The following NPAT variants were observed in gnomAD, a reference collection of about 807,000 sequenced individuals.
The protein encoded by NPAT is protein NPAT.
In NPAT, 52 loss-of-function variants were observed where a neutral mutation model predicts 130.7. The ratio of observed to expected loss-of-function variants is 0.40; its 90% CI spans 0.32 to 0.50. NPAT has a LOEUF of 0.50. Among genes scored for constraint, NPAT ranks in the 20% least tolerant of loss-of-function variants. The pLI, the probability that NPAT is intolerant of heterozygous loss-of-function variation, is 0.68. For synonymous variants in NPAT, 580 were observed against 584.8 expected (o/e 0.99, Z 0.12); for missense variants, 1,687 against 1,662.6 (o/e 1.01, Z -0.26).
intron 4 of NPAT, among the ~76,000 whole-genome samples, chr11:108,191,486 A>G (rs1591403872): frequency 1.3e-5 from 2 of 152,322 alleles, no homozygotes; most frequent in African/African-American, 2.4e-5. Context: ...AGAGAAATAT[A>G]AAGATAAGAC....
rs553294605 is a variant in NPAT at position 108,195,171 on chromosome 11, C to T, written c.157-1154G>A. ...AGCAAACACCAGTGTCTAGGTTTTTCTGTGAGAACAAGTTTTCCAATTGAT... is the reference window on the plus strand; with the variant it reads ...AGCAAACACCAGTGTCTAGGTTTTTTTGTGAGAACAAGTTTTCCAATTGAT... On this transcript the variant is annotated intron_variant, in intron 2 of 17. Transcript: ENST00000278612. Among the ~76,000 whole-genome samples the T allele has an allele frequency of 8.5e-5, 13 of 152,260 alleles. No homozygotes were observed. The East Asian group carries it at 2.3e-3, about 27-fold the overall frequency.
chr11:108,204,397 G>A (rs912486769), intron 1 of NPAT, among the ~76,000 whole-genome samples: 1 of 151,988 alleles, frequency 6.6e-6, no homozygotes, highest in African/African-American at 2.4e-5. Flanking sequence ...ACCTACCTTT[G>A]GGACCCCTAT....
intron 10 of NPAT, among the ~76,000 whole-genome samples, chr11:108,180,478 T>C (rs2078049202): frequency 6.6e-6 from 1 of 152,230 alleles, no homozygotes; most frequent in Non-Finnish European, 1.5e-5. Flanking sequence ...CATTAGAGAA[T>C]TGCAAATCAA....
In NPAT at chr11:108,179,088, G is replaced by C. The variant is rs575474994; in HGVS notation, c.907-1998C>G. On this transcript the variant is annotated intron_variant, in intron 10 of 17. Transcript: ENST00000278612. ...TAAACTCAGGAAAATGTAGTCGAAT[G>C]GTCTTCAACAAGAGGACCAAGATCA... 3.4e-4 allele frequency among the ~76,000 whole-genome samples: 52 copies of C among 152,224 alleles called. No individual in the cohort carries two copies. The East Asian group carries it at 9.5e-3, about 28-fold the overall frequency.
chr11:108,216,978 T>A (rs1266854363), intron 1 of NPAT, among the ~76,000 whole-genome samples: 1 of 152,228 alleles, frequency 6.6e-6, no homozygotes, highest in Non-Finnish European at 1.5e-5. Context: ...AATACCATCA[T>A]TTTGTTCAAT....
intron 5 of NPAT, 26 bp from the exon 6 acceptor site, chr11:108,189,356 C>A (rs1192849003): frequency 6.2e-7 from 1 of 1,605,530 alleles, no homozygotes; most frequent in Non-Finnish European, 8.5e-7. Flanking sequence ...ATTTAAAAAA[C>A]AAATTCAACG....
Position 108,189,007 on chromosome 11 carries a change from G to C in NPAT, c.556+99C>G, listed in dbSNP as rs1478569736. The stretch of plus-strand genomic sequence containing the variant: ...GTCTCTCTCATCTTTTATGGGGGGG[G>C]CCATAATTTTACACTATGAGTATAA... On this transcript the variant is annotated intron_variant, in intron 6 of 17. Coordinates refer to ENST00000278612, the MANE Select transcript of NPAT (RefSeq NM_002519.3). The C allele has an allele frequency of 3.3e-6, 3 of 906,806 alleles. No homozygotes were observed. In the East Asian group the frequency reaches 7.9e-5, roughly 24 times the overall value. The allele number at this position is 906,806 out of a possible 1,614,324, so 56.2% of individuals were successfully genotyped here.
chr11:108,163,104 G>C (rs1460060162), intron 15 of NPAT, among the ~76,000 whole-genome samples: 2 of 137,410 alleles, frequency 1.5e-5, no homozygotes, highest in Non-Finnish European at 3.2e-5. Flanking sequence ...TTTTGAGACG[G>C]AGTCTCGCTC....
At chr11:108,208,331 GT>G (rs1224530145) in intron 1 of NPAT, 2 of 352,602 alleles carry the variant, frequency 5.7e-6, no homozygotes, top group Non-Finnish European at 1.1e-5. Flanking sequence ...ACATGGCTGG[GT>G]GAAGTAGCTC....
In NPAT at chr11:108,218,315, C is replaced by G. The variant is rs904663253; in HGVS notation, c.37+4185G>C. ...GAAAAAGAGAAGAAAGGATAAGATC[C>G]TAACTATATGAAGGGTATTTTTTCT... is the stretch of plus-strand genomic sequence containing the variant. On this transcript the variant is annotated intron_variant, in intron 1 of 17. Coordinates refer to ENST00000278612, the MANE Select transcript of NPAT (RefSeq NM_002519.3). Among the ~76,000 whole-genome samples, 4 of 152,124 alleles carry G rather than the reference C, an allele frequency of 2.6e-5. No individual in the cohort carries two copies. In the South Asian group the frequency reaches 8.3e-4, roughly 32 times the overall value.
rs372110759 is a variant in NPAT, at chr11:108,172,920, C to T, written c.2064G>A (p.Thr688=). The T allele has an allele frequency of 2.5e-5, 40 of 1,613,912 alleles. No homozygotes were observed. The African/African-American group carries it at 3.3e-4, about 13-fold the overall frequency. ...TTTCTACAGGAGTGCCTTCTGGAGG[C>T]GTCAGTGCAACTTTCTCACAGTTAG... is the stretch of plus-strand genomic sequence containing the variant. ...GNANCEKVAL[T]PPEGTPVENS... is the part of the protein sequence containing the mutation. The change falls in exon 13 of 18, where the codon ACG becomes ACA. Residue 688 remains threonine, a synonymous_variant. Transcript: ENST00000278612.
intron 10 of NPAT, among the ~76,000 whole-genome samples, chr11:108,179,536 G>A (rs954860425): frequency 1.6e-4 from 24 of 152,082 alleles, no homozygotes; most frequent in East Asian, 5.8e-4. Context: ...CACCACGCCC[G>A]GACTCATATT....
chr11:108,160,854 T>G, intron 17 of NPAT, 26 bp downstream of exon 17: 1 of 1,595,404 alleles, frequency 6.3e-7, no homozygotes, highest in Non-Finnish European at 8.6e-7. Flanking sequence ...AAGGTGTGGT[T>G]TTGAAATTAA....
intron 3 of NPAT, 75 bp from the exon 4 acceptor site, chr11:108,192,265 C>A: frequency 1.1e-6 from 1 of 928,318 alleles, no homozygotes; most frequent in Admixed American, 1.7e-5. Context: ...CAAAGACACA[C>A]AAAAAACCTT....
chr11:108,192,339 C>A, intron 3 of NPAT, 149 bp from the exon 4 acceptor site: 1 of 682,876 alleles, frequency 1.5e-6, no homozygotes. Context: ...AAATAGCTTG[C>A]AAAGCTATAA....
Position 108,182,566 on chromosome 11 carries a change from C to T in NPAT, c.906+2666G>A, listed in dbSNP as rs151109944. Among the ~76,000 whole-genome samples, 971 of 152,376 alleles carry T rather than the reference C, an allele frequency of 6.4e-3. 8 individuals carry two copies. The highest frequency in any genetic ancestry group is 0.021 in the African/African-American group (878 of 41,594). On this transcript the variant is annotated intron_variant, in intron 10 of 17. Transcript: ENST00000278612. ...ACGCTGGAGTGCAGTGGCGCGATCT[C>T]GCCTCACTGCAAACTCCGCCTCCCG...
At position 108,193,991 on chromosome 11, in the gene NPAT, T is replaced by C. The variant is rs764338799; in HGVS notation, c.183A>G (p.Thr61=). Residue 61 remains threonine (T), a synonymous_variant, in exon 3 of 18, where the codon ACA becomes ACG. Transcript: ENST00000278612. ...LLSLFGKNLT[T]ILNEYVAMKT... is the part of the protein sequence containing the mutation. ...TCATAGCTACATACTCATTTAAAAT[T>C]GTTGTCAAGTTTTTTCCAAATAAGG... is the stretch of plus-strand genomic sequence containing the variant. 6.3e-7 allele frequency: 1 copy of C among 1,577,470 alleles called. No homozygotes were observed. The highest frequency in any genetic ancestry group is 8.7e-7 in the Non-Finnish European group (1 of 1,147,586).
chr11:108,218,606 TG>T (rs1373794620), intron 1 of NPAT, among the ~76,000 whole-genome samples: 5 of 152,168 alleles, frequency 3.3e-5, no homozygotes, highest in African/African-American at 1.2e-4. Flanking sequence ...CACAAATAAC[TG>T]TAATGCAAAG....
In NPAT at chr11:108,172,457, C is replaced by A; in HGVS notation, c.2527G>T (p.Val843Phe). Residue 843 changes from valine (V) to phenylalanine (F), a missense_variant, in exon 13 of 18, where the codon GTT (valine) becomes TTT (phenylalanine). Val to Phe is a conservative substitution (Grantham distance 50, BLOSUM62 -1). Transcript: ENST00000278612. ...TGTATATATCCTCCATCCTTGGAAA[C>A]ACATGGTGTAACATTAGCTGAAAAA... is the stretch of plus-strand genomic sequence containing the variant. ...IAFSANVTPCVSKDGGYIQLM... is the reference protein window; with the variant it reads ...IAFSANVTPCFSKDGGYIQLM... The A allele has an allele frequency of 1.2e-6, 2 of 1,614,162 alleles. No individual in the cohort carries two copies. Among genetic ancestry groups the A allele is most frequent in the East Asian group, 2.2e-5 (1 of 44,888 alleles).
Sources: gnomAD v4.1 joint callset for allele counts (sites outside exome capture counted in the v4.1 genomes callset) on GRCh38, gnomAD v4.1.1 for gene constraint, MANE v1.5 for transcripts, NCBI Gene and HGNC (gene_info 2026-07-23, HGNC 2026-07-21) for gene names.